The following MCCC2 variants were observed in gnomAD, a reference collection of about 807,000 sequenced individuals.
MCCC2 encodes the protein methylcrotonyl-CoA carboxylase subunit 2, also known as methylcrotonoyl-CoA carboxylase beta chain, mitochondrial.
Under a neutral mutation model 77.2 loss-of-function variants are expected in MCCC2, and 52 were observed. The ratio of observed to expected loss-of-function variants is 0.67; its 90% CI spans 0.54 to 0.85. MCCC2 has a LOEUF of 0.85. Ranked by LOEUF, MCCC2 falls within the 40% of genes least tolerant of loss-of-function variation. The pLI is 0.00. For synonymous variants in MCCC2, 253 were observed against 248.4 expected, an observed-to-expected ratio of 1.02 and a Z score of -0.18; for missense variants, 682 against 703.2, an observed-to-expected ratio of 0.97 and a Z score of 0.34.
intron 6 of MCCC2, among the ~76,000 whole-genome samples, chr5:71,625,842 C>CTA (rs1286795229): frequency 6.6e-6 from 1 of 152,130 alleles, no homozygotes; most frequent in Non-Finnish European, 1.5e-5. Context: ...GTTTGCATGC[C>CTA]TATAAGGAAA....
chr5:71,641,100 AC>A, intron 11 of MCCC2, 25 bp downstream of exon 11: 1 of 1,594,388 alleles, frequency 6.3e-7, no homozygotes, highest in Non-Finnish European at 8.6e-7. Context: ...AATTGAAAAT[AC>A]GAACATTTTC....
At chr5:71,636,759 GT>G (rs1317220958) in intron 10 of MCCC2, 1 of 151,858 alleles carries the variant, frequency 6.6e-6, no homozygotes, top group East Asian at 1.9e-4. Flanking sequence ...AGAAAAATGA[GT>G]TGTTCCAGGT....
intron 6 of MCCC2, among the ~76,000 whole-genome samples, chr5:71,614,303 C>T (rs1000578450): frequency 3.3e-5 from 5 of 151,958 alleles, no homozygotes; most frequent in Non-Finnish European, 5.9e-5. Context: ...TAATACTAAC[C>T]TCTCCTTTTT....
intron 2 of MCCC2, among the ~76,000 whole-genome samples, chr5:71,594,020 C>G (rs923962492): frequency 1.3e-5 from 2 of 152,120 alleles, no homozygotes; most frequent in African/African-American, 4.8e-5. Context: ...CTTCTTGCCT[C>G]AGCCTCCCAA....
chr5:71,646,136 G>A, intron 12 of MCCC2, 75 bp from the exon 13 acceptor site: 1 of 1,257,680 alleles, frequency 8.0e-7, no homozygotes, highest in South Asian at 1.2e-5. Context: ...GGCTGAAGTT[G>A]TGGTGTTTGT....
At chr5:71,641,148 C>T in intron 11 of MCCC2, 73 bp downstream of exon 11, 1 of 1,304,262 alleles carries the variant, frequency 7.7e-7, no homozygotes, top group East Asian at 2.3e-5. Flanking sequence ...TGTTTCAAGA[C>T]TTTGATACAC....
At chr5:71,634,728 C>T (rs1316554848) in intron 8 of MCCC2, among the ~76,000 whole-genome samples, 1 of 152,176 alleles carries the variant, frequency 6.6e-6, no homozygotes, top group Non-Finnish European at 1.5e-5. Flanking sequence ...ATGCGTACTT[C>T]AGCTTTTCCT....
chr5:71,600,950 C>T (rs1229230601), intron 4 of MCCC2, among the ~76,000 whole-genome samples: 1 of 152,194 alleles, frequency 6.6e-6, no homozygotes, highest in Non-Finnish European at 1.5e-5. Context: ...AGGCTTAGAG[C>T]CTGTCCCATT....
At chr5:71,599,433 A>G (rs1048375198) in intron 3 of MCCC2, among the ~76,000 whole-genome samples, 3 of 151,974 alleles carry the variant, frequency 2.0e-5, no homozygotes, top group Non-Finnish European at 4.4e-5. Flanking sequence ...CTGGCCTCCA[A>G]CTCTTGGGCT....
chr5:71,626,999 G>A (rs969191687), intron 7 of MCCC2, among the ~76,000 whole-genome samples: 2 of 151,942 alleles, frequency 1.3e-5, no homozygotes, highest in Admixed American at 6.6e-5. Flanking sequence ...CCCTATTTCC[G>A]TCACCTCTGC....
chr5:71,633,127 A>ATTTTTTTTTTTTTT (rs1440841730), intron 8 of MCCC2, among the ~76,000 whole-genome samples: 36 of 63,776 alleles, frequency 5.6e-4, no homozygotes, highest in Admixed American at 2.1e-3. Context: ...ATATATATAT[A>ATTTTTTTTTTTTTT]TATATTTTTA....
chr5:71,630,161 C>A (rs1342010884), intron 7 of MCCC2, among the ~76,000 whole-genome samples: 1 of 152,184 alleles, frequency 6.6e-6, no homozygotes, highest in African/African-American at 2.4e-5. Flanking sequence ...GCAGTAGCAG[C>A]AGCCTCATCC....
intron 6 of MCCC2, among the ~76,000 whole-genome samples, chr5:71,616,924 G>A (rs1746172805): frequency 6.6e-6 from 1 of 152,106 alleles, no homozygotes; most frequent in South Asian, 2.1e-4. Context: ...GTTACCACTA[G>A]ACTGTGGCTC....
chr5:71,604,595 T>TA (rs1378903686), intron 6 of MCCC2, 127 bp downstream of exon 6: 114 of 751,858 alleles, frequency 1.5e-4, no homozygotes, highest in Admixed American at 2.1e-4. Flanking sequence ...TTTTTTTTTT[T>TA]TATACTTTAG....
intron 6 of MCCC2, among the ~76,000 whole-genome samples, chr5:71,620,725 A>G (rs999629555): frequency 2.0e-5 from 3 of 152,102 alleles, no homozygotes; most frequent in Non-Finnish European, 4.4e-5. Flanking sequence ...GTAGCATCTC[A>G]TTTGCTTTTG....
intron 6 of MCCC2, 35 bp from the exon 7 acceptor site, chr5:71,626,605 G>A (rs1249393831): frequency 6.6e-7 from 1 of 1,513,428 alleles, no homozygotes; most frequent in Non-Finnish European, 9.2e-7. Flanking sequence ...TGCATGAGCT[G>A]CATCTCATGT....
chr5:71,656,593 G>A, intron 16 of MCCC2, 150 bp from the exon 17 acceptor site: 1 of 745,040 alleles, frequency 1.3e-6, no homozygotes, highest in South Asian at 1.4e-5. Flanking sequence ...CTTGAACGTA[G>A]TTTCTGTTGT....
At chr5:71,602,402 A>C in intron 4 of MCCC2, 104 bp from the exon 5 acceptor site, 1 of 1,395,696 alleles carries the variant, frequency 7.2e-7, no homozygotes. Context: ...TAATAGTGAT[A>C]CGTACTAGAA....
chr5:71,645,416 A>G (rs968877961), intron 12 of MCCC2, among the ~76,000 whole-genome samples: 42 of 152,212 alleles, frequency 2.8e-4, no homozygotes, highest in African/African-American at 9.9e-4. Flanking sequence ...GGGAAGAAAT[A>G]GTTGTATTTT....
Sources: gnomAD v4.1 joint callset for allele counts (sites outside exome capture counted in the v4.1 genomes callset) on GRCh38, gnomAD v4.1.1 for gene constraint, MANE v1.5 for transcripts, NCBI Gene and HGNC (gene_info 2026-07-23, HGNC 2026-07-21) for gene names.